The following EGFR variants were observed in gnomAD, a reference collection of about 807,000 sequenced individuals.
EGFR encodes the protein epidermal growth factor receptor, also known as avian erythroblastic leukemia viral (v-erb-b) oncogene homolog.
Under a neutral mutation model 143.0 loss-of-function variants are expected in EGFR, and 58 were observed. The ratio of observed to expected loss-of-function variants is 0.41; its 90% CI spans 0.33 to 0.50. The LOEUF is 0.50. Among genes scored for constraint, EGFR ranks in the 20% least tolerant of loss-of-function variants. EGFR has a pLI of 0.39. For synonymous variants in EGFR, 613 were observed against 594.4 expected (o/e 1.03, Z -0.45); for missense variants, 1,307 against 1,579.0 (o/e 0.83, Z 2.92).
At chr7:55,170,881 CTG>C in intron 15 of EGFR, 2 of 1,412,334 alleles carry the variant, frequency 1.4e-6, no homozygotes, top group Non-Finnish European at 1.8e-6. Context: ...GGACAATTAT[CTG>C]TGTCAAAAGC....
At chr7:55,179,281 A>G (rs970489657) in intron 19 of EGFR, among the ~76,000 whole-genome samples, 15 of 152,346 alleles carry the variant, frequency 9.8e-5, no homozygotes, top group Middle Eastern at 3.4e-3. Context: ...GTTTGTTCAT[A>G]TGGAAGGCTA....
At chr7:55,177,226 C>T (rs575418001) in intron 19 of EGFR, among the ~76,000 whole-genome samples, 149 of 152,174 alleles carry the variant, frequency 9.8e-4, no homozygotes, top group Non-Finnish European at 1.4e-3. Flanking sequence ...GCAATCCTGG[C>T]GGGCAGGGCA....
chr7:55,062,829 C>A (rs1161561033), intron 1 of EGFR, among the ~76,000 whole-genome samples: 1 of 152,026 alleles, frequency 6.6e-6, no homozygotes, highest in Non-Finnish European at 1.5e-5. Context: ...GCTTTTAATA[C>A]AAAGTTTGTG....
intron 20 of EGFR, among the ~76,000 whole-genome samples, chr7:55,183,923 T>A (rs1217165343): frequency 6.6e-6 from 1 of 152,198 alleles, no homozygotes; most frequent in Non-Finnish European, 1.5e-5. Flanking sequence ...CAAAGGTGAC[T>A]CCTTACATGG....
In EGFR at chr7:55,102,605, GT is replaced by G. The variant is rs201852775; in HGVS notation, c.89-39679del. Reference sequence around the variant, plus strand: ...AACAATTTTTTTTACCAAAAGTAATGTTAACAATATATGGTTTTCCCCTGAT... The same window carrying G: ...AACAATTTTTTTTACCAAAAGTAATGTAACAATATATGGTTTTCCCCTGAT... On this transcript the variant is annotated intron_variant, in intron 1 of 27. Coordinates refer to ENST00000275493, the MANE Select transcript of EGFR (RefSeq NM_005228.5). Among the ~76,000 whole-genome samples the G allele has an allele frequency of 4.5e-3, 690 of 152,214 alleles. 22 individuals are homozygous for G. Among genetic ancestry groups the G allele is most frequent in the Admixed American group, 0.043 (652 of 15,292 alleles).
chr7:55,120,197 AG>A (rs1793115823), intron 1 of EGFR, among the ~76,000 whole-genome samples: 1 of 152,198 alleles, frequency 6.6e-6, no homozygotes, highest in Admixed American at 6.5e-5. Flanking sequence ...GACTGCAGAC[AG>A]GATGACCAAG....
intron 1 of EGFR, among the ~76,000 whole-genome samples, chr7:55,080,750 T>C (rs1300804221): frequency 1.3e-5 from 2 of 152,242 alleles, no homozygotes; most frequent in Non-Finnish European, 2.9e-5. Flanking sequence ...TAGCTTGATG[T>C]AGCCATTCCA....
At chr7:55,153,444 A>G (rs1015594281) in intron 6 of EGFR, among the ~76,000 whole-genome samples, 9 of 152,204 alleles carry the variant, frequency 5.9e-5, no homozygotes, top group Non-Finnish European at 8.8e-5. Context: ...GAAGATTCCT[A>G]AATTCCAGAG....
chr7:55,150,582 A>G (rs1785101373), intron 4 of EGFR, among the ~76,000 whole-genome samples: 2 of 152,260 alleles, frequency 1.3e-5, no homozygotes, highest in Middle Eastern at 3.4e-3. Context: ...TCTTTAACAA[A>G]TTTGGTGGTT....
rs961665841 is a variant in EGFR, at chr7:55,176,570, T to G, written c.2283+1750T>G. Among the ~76,000 whole-genome samples, 5 of 151,792 alleles carry G rather than the reference T, an allele frequency of 3.3e-5. No homozygotes were observed. In the East Asian group the frequency reaches 9.7e-4, roughly 29 times the overall value. Reference sequence around the variant, plus strand: ...CCCAGTCTCTACAAAAAATAAAAAATTAGCTGGGTGTGGTGTCTCATGCCT... The same window carrying G: ...CCCAGTCTCTACAAAAAATAAAAAAGTAGCTGGGTGTGGTGTCTCATGCCT... On this transcript the variant is annotated intron_variant, in intron 19 of 27. Transcript: ENST00000275493.
intron 1 of EGFR, among the ~76,000 whole-genome samples, chr7:55,023,183 G>T (rs1335073565): frequency 6.6e-6 from 1 of 152,170 alleles, no homozygotes; most frequent in Non-Finnish European, 1.5e-5. Flanking sequence ...CATGTGACTT[G>T]TGTGTGTGCC....
intron 19 of EGFR, among the ~76,000 whole-genome samples, chr7:55,179,460 G>A (rs904813595): frequency 2.0e-5 from 3 of 152,214 alleles, no homozygotes; most frequent in Admixed American, 2.0e-4. Context: ...CTGAGAAAGA[G>A]TCTGCTAAGG....
chr7:55,199,438 A>G (rs188461088), intron 23 of EGFR, among the ~76,000 whole-genome samples: 3 of 152,356 alleles, frequency 2.0e-5, no homozygotes, highest in African/African-American at 2.4e-5. Context: ...TTTGCAAAAG[A>G]AAGTTGTATA....
At chr7:55,156,109 T>C (rs1785406028) in intron 8 of EGFR, among the ~76,000 whole-genome samples, 163 bp downstream of exon 8, 1 of 152,090 alleles carries the variant, frequency 6.6e-6, no homozygotes. Flanking sequence ...GGTTAGGCAA[T>C]GGGAAGGCAC....
At chr7:55,181,794 G>A in intron 20 of EGFR, 1 of 424,686 alleles carries the variant, frequency 2.4e-6, no homozygotes, top group Non-Finnish European at 4.4e-6. Context: ...GTGATTTGTA[G>A]TGGAGAAGGA....
At chr7:55,027,988 AAAAATATATATAT>A (rs1360147340) in intron 1 of EGFR, among the ~76,000 whole-genome samples, 8 of 87,848 alleles carry the variant, frequency 9.1e-5, no homozygotes, top group East Asian at 8.0e-4. Flanking sequence ...AAAAAAAAAA[AAAAATATATATAT>A]ATATATATAT....
At chr7:55,186,734 C>T (rs1787154350) in intron 20 of EGFR, among the ~76,000 whole-genome samples, 4 of 152,196 alleles carry the variant, frequency 2.6e-5, no homozygotes, top group African/African-American at 7.2e-5. Flanking sequence ...TTAAGCATCA[C>T]ATGAAATACA....
intron 20 of EGFR, among the ~76,000 whole-genome samples, chr7:55,188,022 G>C (rs930208122): frequency 6.6e-6 from 1 of 152,180 alleles, no homozygotes; most frequent in African/African-American, 2.4e-5. Flanking sequence ...CAGCCCCCAG[G>C]GGAAGGGTGA....
intron 1 of EGFR, among the ~76,000 whole-genome samples, chr7:55,085,933 T>G (rs898594973): frequency 6.6e-6 from 1 of 152,204 alleles, no homozygotes; most frequent in Non-Finnish European, 1.5e-5. Context: ...GCCCCAAGTT[T>G]GACAATACCA....
Sources: gnomAD v4.1 joint callset for allele counts (sites outside exome capture counted in the v4.1 genomes callset) on GRCh38, gnomAD v4.1.1 for gene constraint, MANE v1.5 for transcripts, NCBI Gene and HGNC (gene_info 2026-07-23, HGNC 2026-07-21) for gene names.